R3HDM1: variants seen among roughly 807,000 people sequenced by gnomAD.
R3HDM1 encodes R3H domain-containing protein 1.
A neutral mutation model predicts 141.1 loss-of-function variants in R3HDM1; 46 were observed. The observed-to-expected ratio is 0.33, with a 90% CI of 0.26 to 0.42. The LOEUF (loss-of-function observed/expected upper bound fraction) is 0.42, where lower values mean the gene tolerates loss of function less well. R3HDM1 is among the 10% of genes least tolerant of loss of function. The pLI is 1.00. For synonymous variants in R3HDM1, 435 were observed against 472.9 expected (o/e 0.92, Z 1.04); for missense variants, 1,184 against 1,368.3 (o/e 0.87, Z 2.12).
chr2:135,615,559 C>T (rs573971088), intron 3 of R3HDM1, among the ~76,000 whole-genome samples: 7 of 152,254 alleles, frequency 4.6e-5, no homozygotes, highest in East Asian at 1.9e-4. Flanking sequence ...GCTGGACATC[C>T]GTATTGGAAG....
At chr2:135,595,114 C>G (rs1710327062) in intron 1 of R3HDM1, among the ~76,000 whole-genome samples, 1 of 152,086 alleles carries the variant, frequency 6.6e-6, no homozygotes, top group African/African-American at 2.4e-5. Flanking sequence ...TCTATATATC[C>G]AATTTTCTGT....
intron 1 of R3HDM1, among the ~76,000 whole-genome samples, chr2:135,572,051 G>A (rs1161188829): frequency 6.6e-6 from 1 of 152,142 alleles, no homozygotes; most frequent in Non-Finnish European, 1.5e-5. Flanking sequence ...CACCTCCCGG[G>A]TTCAAGCAAT....
Position 135,636,109 on chromosome 2 carries a change from G to T in R3HDM1, c.829G>T (p.Asp277Tyr). 6.2e-7 allele frequency: 1 copy of T among 1,612,720 alleles called. No homozygotes were observed. Among genetic ancestry groups the T allele is most frequent in the South Asian group, 1.1e-5 (1 of 90,804 alleles). ...DNQMRIRLKDDRRSKSIEERE... is the reference protein window; with the variant it reads ...DNQMRIRLKDYRRSKSIEERE... ...GTAGATGAGAATACGTTTGAAAGAT[G>T]ACAGAAGAAGCAAATCTATAGAAGA... is the stretch of plus-strand genomic sequence containing the variant. The change falls in exon 11 of 27, where the codon GAC (aspartate) becomes TAC (tyrosine). Residue 277 changes from aspartate (D) to tyrosine (Y), a missense_variant. This residue lies in a region of R3HDM1 where 240 missense variants were observed against 312.3 expected (regional missense o/e 0.77). Transcript: ENST00000683871.
rs191985045 is a variant in R3HDM1, at chr2:135,724,675, A to C, written c.*383A>C. The C allele has an allele frequency of 2.4e-4, 38 of 160,628 alleles. No individual in the cohort carries two copies. The East Asian group carries it at 6.8e-3, about 29-fold the overall frequency. 10.0% of individuals were successfully genotyped at this position (160,628 alleles called of 1,614,324 possible). A position where few individuals can be genotyped will look rare whatever the true frequency, so the allele number is the denominator to read the frequency against. On this transcript the variant is annotated 3_prime_UTR_variant, in exon 27 of 27. Coordinates refer to ENST00000683871, the MANE Select transcript of R3HDM1 (RefSeq NM_001378107.1). ...CCCTGTATTTCTTTTTGCAGCCAGC[A>C]CAATGTGACCCAACTTAAAATTTGG... is the stretch of plus-strand genomic sequence containing the variant.
At chr2:135,560,554 C>T (rs974701838) in intron 1 of R3HDM1, among the ~76,000 whole-genome samples, 2 of 152,108 alleles carry the variant, frequency 1.3e-5, no homozygotes, top group Admixed American at 6.6e-5. Flanking sequence ...CCTCGTGATC[C>T]GCCCACCTCA....
rs768477553 is a variant in R3HDM1 at position 135,717,513 on chromosome 2, G to T, written c.2881+1819G>T. Among the ~76,000 whole-genome samples the T allele has an allele frequency of 6.2e-4, 94 of 151,756 alleles. 1 individual carries two copies. The highest frequency in any genetic ancestry group is 1.1e-3 in the Non-Finnish European group (78 of 67,972). ...AAAAAAAAGAAGAATGTTCTCCCTT[G>T]AAAGTGGGAGCTAAACATTGATGAA... On this transcript the variant is annotated intron_variant, in intron 24 of 26. Coordinates refer to ENST00000683871, the MANE Select transcript of R3HDM1 (RefSeq NM_001378107.1).
intron 19 of R3HDM1, chr2:135,669,512 C>T (rs1156979582): frequency 3.0e-6 from 3 of 984,710 alleles, no homozygotes; most frequent in Admixed American, 1.2e-4. Context: ...GTAAAGTCTT[C>T]ATTAACCAAA....
intron 3 of R3HDM1, among the ~76,000 whole-genome samples, chr2:135,606,866 A>G (rs1215835674): frequency 1.3e-5 from 2 of 151,740 alleles, no homozygotes; most frequent in South Asian, 2.1e-4. Context: ...TCTATATGCT[A>G]AAGACTTTGA....
intron 18 of R3HDM1, chr2:135,656,669 A>G (rs965280506): frequency 2.0e-5 from 3 of 152,226 alleles, no homozygotes; most frequent in African/African-American, 7.2e-5. Context: ...TGAAATTTCA[A>G]GTAAAATGTA....
intron 21 of R3HDM1, among the ~76,000 whole-genome samples, chr2:135,682,278 C>T (rs906999299): frequency 6.6e-6 from 1 of 151,874 alleles, no homozygotes; most frequent in Non-Finnish European, 1.5e-5. Flanking sequence ...TGTAGGCCTG[C>T]CTACTGGGAA....
At chr2:135,611,419 G>A (rs548011486) in intron 3 of R3HDM1, among the ~76,000 whole-genome samples, 1 of 152,064 alleles carries the variant, frequency 6.6e-6, no homozygotes, top group Non-Finnish European at 1.5e-5. Flanking sequence ...AAAGATATAT[G>A]TAATGTACCT....
At chr2:135,657,897 G>A (rs904999130) in intron 18 of R3HDM1, among the ~76,000 whole-genome samples, 2 of 152,178 alleles carry the variant, frequency 1.3e-5, no homozygotes, top group African/African-American at 4.8e-5. Flanking sequence ...ATCATTTAAT[G>A]ATAGAGATAC....
intron 1 of R3HDM1, among the ~76,000 whole-genome samples, chr2:135,566,292 G>T (rs59652473): frequency 0.16 from 24,691 of 151,990 alleles, 5,529 homozygotes; most frequent in African/African-American, 0.51. Flanking sequence ...GGAGTTTTTT[G>T]CTTTAAAAAA....
At chr2:135,710,318 T>C (rs2075471613) in intron 23 of R3HDM1, 87 bp downstream of exon 23, 2 of 1,368,994 alleles carry the variant, frequency 1.5e-6, no homozygotes, top group African/African-American at 2.9e-5. Context: ...TGAAATCCCG[T>C]CAGCCAGATT....
rs778366580 is a variant in R3HDM1 at position 135,651,900 on chromosome 2, A to G, written c.1896A>G (p.Pro632=). ...CTCCACCACATCCTCCTCCACCGCC[A>G]CCACCACCACCTCCTCCTCCTCCCC... ...AAPPPHPPPP[P]PPPPPPPPLP... The change falls in exon 18 of 27, where the codon CCA becomes CCG. Residue 632 remains proline (P), a synonymous_variant. Coordinates refer to ENST00000683871, the MANE Select transcript of R3HDM1 (RefSeq NM_001378107.1). 2 of 1,435,340 alleles carry G rather than the reference A, an allele frequency of 1.4e-6. No homozygotes were observed. The highest frequency in any genetic ancestry group is 2.3e-5 in the South Asian group (2 of 88,112). The allele number at this position is 1,435,340 out of a possible 1,614,324, so 88.9% of individuals were successfully genotyped here.
chr2:135,635,524 C>A (rs1263601435), intron 9 of R3HDM1, among the ~76,000 whole-genome samples: 2 of 152,190 alleles, frequency 1.3e-5, no homozygotes, highest in Non-Finnish European at 2.9e-5. Context: ...TTCAGAACAA[C>A]CCTAAGAAGT....
chr2:135,680,308 C>A lies in R3HDM1; in HGVS notation c.2443C>A (p.Gln815Lys). Residue 815 changes from glutamine (Q) to lysine (K), a missense_variant, in exon 21 of 27, where the codon CAA becomes AAA. Physicochemically the swap from Gln to Lys is moderately conservative, Grantham distance 53. This residue lies in a region of R3HDM1 where 563 missense variants were observed against 562.0 expected (regional missense o/e 1.00). Coordinates refer to ENST00000683871, the MANE Select transcript of R3HDM1 (RefSeq NM_001378107.1). ...PVYYSVIPPG[Q>K]QNNLSSSVGY... is the part of the protein sequence containing the mutation. Reference sequence around the variant, plus strand: ...TTACTATAGTGTCATTCCACCTGGTCAACAAAACAATTTAAGGTGAGTATG... The same window carrying A: ...TTACTATAGTGTCATTCCACCTGGTAAACAAAACAATTTAAGGTGAGTATG... 1 of 1,613,954 alleles carries A rather than the reference C, an allele frequency of 6.2e-7. No homozygotes were observed. Among genetic ancestry groups the A allele is most frequent in the South Asian group, 1.1e-5 (1 of 91,048 alleles).
At chr2:135,593,081 G>A (rs1709706219) in intron 1 of R3HDM1, among the ~76,000 whole-genome samples, 1 of 151,860 alleles carries the variant, frequency 6.6e-6, no homozygotes, top group Non-Finnish European at 1.5e-5. Flanking sequence ...TACCACACCT[G>A]GCTAATTTTT....
intron 15 of R3HDM1, among the ~76,000 whole-genome samples, chr2:135,643,420 A>G (rs1253897619): frequency 1.8e-4 from 28 of 151,826 alleles, no homozygotes; most frequent in Admixed American, 1.5e-3. Flanking sequence ...GTTTCCTCAA[A>G]AAAAAAAAAT....
Sources: allele counts gnomAD v4.1 joint callset (sites outside exome capture counted in the v4.1 genomes callset), GRCh38; gene constraint gnomAD v4.1.1; regional missense constraint gnomAD v4.1.1; transcripts MANE v1.5; gene names NCBI Gene and HGNC (gene_info 2026-07-23, HGNC 2026-07-21).